Variants in CNOT9 observed in about 807,000 individuals in gnomAD.
CNOT9 encodes the protein CCR4-NOT transcription complex subunit 9.
CNOT9 carries 8 observed loss-of-function variants against 37.4 expected under a neutral mutation model. The ratio of observed to expected loss-of-function variants is 0.21; its 90% CI spans 0.13 to 0.39. The LOEUF (loss-of-function observed/expected upper bound fraction) is 0.39, where lower values mean the gene tolerates loss of function less well. Ranked by LOEUF, CNOT9 falls within the 10% of genes least tolerant of loss-of-function variation. The probability of loss-of-function intolerance (pLI) is 1.00; values close to 1 mark genes in which losing one functional copy is unlikely to be tolerated. For synonymous variants in CNOT9, 120 were observed against 137.6 expected (o/e 0.87, Z 0.90); for missense variants, 154 against 365.3 (o/e 0.42, Z 4.71).
intron 1 of CNOT9, among the ~76,000 whole-genome samples, chr2:218,572,376 TCACTGATATGTGACTTGTTCC>T (rs1304444216): frequency 6.6e-6 from 1 of 151,940 alleles, no homozygotes; most frequent in Non-Finnish European, 1.5e-5. Context: ...CTAGATTCAC[TCACTGATATGTGACTTGTTCC>T]CAGACTTCAG....
intron 5 of CNOT9, among the ~76,000 whole-genome samples, chr2:218,589,035 T>C (rs1694691125): frequency 6.6e-6 from 1 of 152,168 alleles, no homozygotes; most frequent in Non-Finnish European, 1.5e-5. Context: ...AAATTTCATA[T>C]TATTTGATTT....
At chr2:218,579,038 G>A (rs940329269) in intron 1 of CNOT9, among the ~76,000 whole-genome samples, 1 of 152,128 alleles carries the variant, frequency 6.6e-6, no homozygotes, top group African/African-American at 2.4e-5. Flanking sequence ...CCAAATTACA[G>A]GTTTTCTGCT....
intron 1 of CNOT9, chr2:218,572,794 C>A: frequency 1.7e-6 from 1 of 595,364 alleles, no homozygotes; most frequent in Non-Finnish European, 2.1e-6. Context: ...TCCCTAAACA[C>A]TTGTCTTTCT....
At position 218,595,529 on chromosome 2, in the gene CNOT9, G is replaced by A. The variant is rs1216819365; in HGVS notation, c.*1253G>A. ...AGATTTCCTCTTCTCTGGAGCTTAG[G>A]TGGCTCTTCACAATCCATAGGCTTG... On this transcript the variant is annotated 3_prime_UTR_variant, in exon 8 of 8. Coordinates refer to ENST00000273064, the MANE Select transcript of CNOT9 (RefSeq NM_005444.3). 6.7e-6 allele frequency: 1 copy of A among 148,366 alleles called. No homozygotes were observed. The highest frequency in any genetic ancestry group is 3.6e-3 in the Middle Eastern group (1 of 280). The allele number at this position is 148,366 out of a possible 1,614,324, so 9.2% of individuals were successfully genotyped here.
chr2:218,595,695 C>G lies in CNOT9; in HGVS notation c.*1419C>G, dbSNP rs1694910670. ...GGGACCAAGTCTTTTCTGCCCACAT[C>G]TCACACAATTGAGGTGTCTGAACAA... On this transcript the variant is annotated 3_prime_UTR_variant, in exon 8 of 8. Transcript: ENST00000273064. The G allele has an allele frequency of 6.6e-6, 1 of 151,364 alleles. No homozygotes were observed. The highest frequency in any genetic ancestry group is 1.5e-5 in the Non-Finnish European group (1 of 67,884). 9.4% of individuals were successfully genotyped at this position (151,364 alleles called of 1,614,324 possible).
chr2:218,580,749 A>G lies in CNOT9; in HGVS notation c.204+9A>G. 5.0e-6 allele frequency: 8 copies of G among 1,609,732 alleles called. No homozygotes were observed. Among genetic ancestry groups the G allele is most frequent in the Non-Finnish European group, 5.9e-6 (7 of 1,177,324 alleles). ...TTGCAGCACTTTTACAGGTGGGTTC[A>G]TGTCCATGATTGGCAGTTCAGTTCT... On this transcript the variant is annotated intron_variant, in intron 2 of 7. Coordinates refer to ENST00000273064, the MANE Select transcript of CNOT9 (RefSeq NM_005444.3).
intron 1 of CNOT9, among the ~76,000 whole-genome samples, chr2:218,578,252 T>C (rs1450247372): frequency 6.6e-6 from 1 of 152,246 alleles, no homozygotes; most frequent in Admixed American, 6.5e-5. Context: ...TAAGCTGCAT[T>C]GTATTTCAGT....
At chr2:218,584,472 G>T (rs1276092403) in intron 3 of CNOT9, 140 bp from the exon 4 acceptor site, 5 of 711,054 alleles carry the variant, frequency 7.0e-6, no homozygotes, top group Non-Finnish European at 1.3e-5. Context: ...TGAGACTAAT[G>T]ACCAGTAACA....
In CNOT9 at chr2:218,594,986, G is replaced by C. The variant is rs1424926427; in HGVS notation, c.*710G>C. The C allele has an allele frequency of 6.6e-6, 1 of 152,204 alleles. No individual in the cohort carries two copies. The highest frequency in any genetic ancestry group is 1.5e-5 in the Non-Finnish European group (1 of 68,040). 9.4% of individuals were successfully genotyped at this position (152,204 alleles called of 1,614,324 possible). A position where few individuals can be genotyped will look rare whatever the true frequency, so the allele number is the denominator to read the frequency against. ...AAAGTACAGCAGGAACCCACCACCT[G>C]TTTCCCTTCCTTCTCCCATTCTACT... On this transcript the variant is annotated 3_prime_UTR_variant, in exon 8 of 8. Transcript: ENST00000273064.
At chr2:218,578,347 AT>A (rs1040780427) in intron 1 of CNOT9, among the ~76,000 whole-genome samples, 6 of 152,222 alleles carry the variant, frequency 3.9e-5, no homozygotes, top group African/African-American at 1.4e-4. Context: ...TGAAGCTTCC[AT>A]TTTTAAAAGG....
chr2:218,593,527 G>T (rs1166497358), intron 7 of CNOT9: 2 of 1,489,550 alleles, frequency 1.3e-6, no homozygotes, highest in Non-Finnish European at 1.8e-6. Flanking sequence ...ACCTTTTTTA[G>T]GTTTTCAGAT....
chr2:218,582,870 TAA>T, intron 2 of CNOT9, 99 bp from the exon 3 acceptor site: 1 of 676,666 alleles, frequency 1.5e-6, no homozygotes, highest in Non-Finnish European at 2.6e-6. Flanking sequence ...TGCACAGAAT[TAA>T]GAGCTATTTT....
In CNOT9 at chr2:218,580,557, G is replaced by A. The variant is rs1559245786; in HGVS notation, c.25-4G>A. On this transcript the variant is annotated splice_region_variant and splice_polypyrimidine_tract_variant and intron_variant, in intron 1 of 7. Coordinates refer to ENST00000273064, the MANE Select transcript of CNOT9 (RefSeq NM_005444.3). ...GATATTTACTTTCTTGTCTTCATCT[G>A]AAGCCTGTGCCTACTACACTGGCAC... 6.2e-7 allele frequency: 1 copy of A among 1,601,168 alleles called. No homozygotes were observed. The highest frequency in any genetic ancestry group is 1.7e-5 in the Admixed American group (1 of 57,288).
At chr2:218,570,521 C>T (rs1027279513) in intron 1 of CNOT9, among the ~76,000 whole-genome samples, 1 of 152,178 alleles carries the variant, frequency 6.6e-6, no homozygotes, top group Non-Finnish European at 1.5e-5. Context: ...TGCAATTCCC[C>T]TAGCTTTTTT....
intron 5 of CNOT9, among the ~76,000 whole-genome samples, chr2:218,588,271 T>C (rs1321959850): frequency 6.6e-6 from 1 of 151,910 alleles, no homozygotes; most frequent in Admixed American, 6.6e-5. Context: ...TTAAAGTTCA[T>C]TTGATAATCA....
At position 218,592,684 on chromosome 2, in the gene CNOT9, C is replaced by T; in HGVS notation, c.708C>T (p.Tyr236=). 6.2e-7 allele frequency: 1 copy of T among 1,614,036 alleles called. No individual in the cohort carries two copies. The highest frequency in any genetic ancestry group is 8.5e-7 in the Non-Finnish European group (1 of 1,179,924). ...TGCTGAAGCATGTAGTGAGATGTTA[C>T]CTTCGACTTTCAGATAACCCCAGGT... ...ARLLKHVVRC[Y]LRLSDNPRAR... The change falls in exon 7 of 8, where the codon TAC becomes TAT. Residue 236 remains tyrosine (Y), a synonymous_variant. Transcript: ENST00000273064. This position sits in a 1 kb window ranked among gnomAD's most constrained non-coding sequence, Gnocchi z 4.1.
At chr2:218,574,950 A>G (rs1694115087) in intron 1 of CNOT9, among the ~76,000 whole-genome samples, 1 of 152,170 alleles carries the variant, frequency 6.6e-6, no homozygotes, top group Non-Finnish European at 1.5e-5. Context: ...TATACGTCAA[A>G]GTTTTTTTTT....
chr2:218,584,590 T>A, intron 3 of CNOT9, 22 bp from the exon 4 acceptor site: 1 of 1,553,124 alleles, frequency 6.4e-7, no homozygotes, highest in Non-Finnish European at 8.9e-7. Flanking sequence ...GGGCTGTGAA[T>A]GTAATTATTG....
At chr2:218,579,805 T>C (rs541487852) in intron 1 of CNOT9, among the ~76,000 whole-genome samples, 9 of 150,924 alleles carry the variant, frequency 6.0e-5, no homozygotes, top group East Asian at 5.9e-4. Context: ...TGCATTTATT[T>C]ATTTATTTAT....
Sources: gnomAD v4.1 joint callset for allele counts (sites outside exome capture counted in the v4.1 genomes callset) on GRCh38, gnomAD v4.1.1 for gene constraint, Gnocchi (gnomAD v3.1) non-coding constraint, MANE v1.5 for transcripts, NCBI Gene and HGNC (gene_info 2026-07-23, HGNC 2026-07-21) for gene names.